Variants in LRRD1 observed in about 807,000 individuals in gnomAD.
LRRD1 encodes leucine rich repeats and death domain containing 1.
LRRD1 carries 49 observed loss-of-function variants against 69.5 expected under a neutral mutation model. The ratio of observed to expected loss-of-function variants is 0.70; its 90% CI spans 0.56 to 0.89. The LOEUF (loss-of-function observed/expected upper bound fraction) is 0.89, where lower values mean the gene tolerates loss of function less well. Among genes scored for constraint, LRRD1 ranks in the 40% least tolerant of loss-of-function variants. The pLI is 0.00. For missense variants in LRRD1, 853 were observed against 956.0 expected, an observed-to-expected ratio of 0.89 and a Z score of 1.42; for synonymous variants, 303 against 338.9, an observed-to-expected ratio of 0.89 and a Z score of 1.16.
intron 1 of LRRD1, among the ~76,000 whole-genome samples, chr7:92,168,130 G>A (rs1371989663): frequency 6.6e-6 from 1 of 152,008 alleles, no homozygotes; most frequent in Non-Finnish European, 1.5e-5. Context: ...CCGCAAAGGT[G>A]AAAAAATTCT....
At chr7:92,169,788 G>C (rs1447094668) in intron 1 of LRRD1, among the ~76,000 whole-genome samples, 1 of 152,054 alleles carries the variant, frequency 6.6e-6, no homozygotes, top group Non-Finnish European at 1.5e-5. Flanking sequence ...CTCAAAGAAG[G>C]CCAGGCACAG....
chr7:92,170,110 G>A (rs1789017269), intron 1 of LRRD1, among the ~76,000 whole-genome samples: 1 of 149,192 alleles, frequency 6.7e-6, no homozygotes. Context: ...GAGAGAGAGA[G>A]AGGAAGGAAG....
At chr7:92,155,227 T>A (rs1195496046) in intron 3 of LRRD1, among the ~76,000 whole-genome samples, 1 of 152,154 alleles carries the variant, frequency 6.6e-6, no homozygotes, top group Non-Finnish European at 1.5e-5. Context: ...AAATAAGGGT[T>A]ACATGAACAC....
chr7:92,150,386 G>A (rs1487928952), intron 4 of LRRD1, 148 bp downstream of exon 4: 1 of 592,598 alleles, frequency 1.7e-6, no homozygotes, highest in Non-Finnish European at 2.7e-6. Flanking sequence ...GATCACTTGA[G>A]CCCAGGAGTC....
intron 5 of LRRD1, 68 bp downstream of exon 5, chr7:92,146,015 T>C: frequency 2.5e-6 from 2 of 801,440 alleles, no homozygotes; most frequent in South Asian, 2.3e-5. Context: ...TTCAAAACCA[T>C]GCAATATCAA....
chr7:92,144,695 A>G (rs1325812202), downstream of LRRD1: 2 of 365,710 alleles, frequency 5.5e-6, no homozygotes, highest in Non-Finnish European at 9.7e-6. Context: ...ACAACAGAAC[A>G]AACACACAAA....
At chr7:92,152,325 GT>G (rs1473550026) in intron 3 of LRRD1, among the ~76,000 whole-genome samples, 1 of 151,646 alleles carries the variant, frequency 6.6e-6, no homozygotes, top group Non-Finnish European at 1.5e-5. Context: ...TGTATCAATA[GT>G]TTTTTTCTTT....
intron 1 of LRRD1, among the ~76,000 whole-genome samples, chr7:92,175,206 T>C (rs751023319): frequency 2.6e-5 from 4 of 152,256 alleles, no homozygotes; most frequent in Non-Finnish European, 5.9e-5. Flanking sequence ...AGGTTTGTAA[T>C]CTTCTATTTC....
intron 4 of LRRD1, among the ~76,000 whole-genome samples, chr7:92,149,581 C>G (rs899887062): frequency 7.9e-5 from 12 of 152,076 alleles, no homozygotes; most frequent in African/African-American, 2.9e-4. Context: ...AGACACACAA[C>G]AGAGAGCTCA....
chr7:92,176,432 A>G (rs924144269), intron 1 of LRRD1, among the ~76,000 whole-genome samples: 1 of 152,134 alleles, frequency 6.6e-6, no homozygotes, highest in Non-Finnish European at 1.5e-5. Context: ...CAATTGTATG[A>G]CTTACTTATT....
rs1157342682 is a variant in LRRD1, at chr7:92,144,974, T to A, written c.2497A>T (p.Ile833Phe). The A allele has an allele frequency of 6.5e-7, 1 of 1,546,314 alleles. No individual in the cohort carries two copies. ...GCTCCTATCATAGTTAGTGCTCGAA[T>A]TAGTTGATCTCTTAAAGCAGCAGCA... Reference protein sequence around the residue: ...LTAAALRDQLIRALTMIGAYE... With the variant: ...LTAAALRDQLFRALTMIGAYE... The change falls in exon 6 of 6, where the codon ATT becomes TTT. Residue 833 changes from isoleucine (I) to phenylalanine (F), a missense_variant. By Grantham distance (21) the Ile-to-Phe change is conservative (BLOSUM62 0). Transcript: ENST00000458448.
chr7:92,161,590 C>CA (rs752126816), intron 2 of LRRD1, among the ~76,000 whole-genome samples: 149 of 152,246 alleles, frequency 9.8e-4, no homozygotes, highest in Non-Finnish European at 6.2e-4. Context: ...TAGACAGTGA[C>CA]ACTGGAAAAT....
intron 1 of LRRD1, chr7:92,178,768 T>C (rs1316378197): frequency 6.6e-6 from 1 of 152,236 alleles, no homozygotes; most frequent in Non-Finnish European, 1.5e-5. Flanking sequence ...TTAATAAAGT[T>C]GAACAATGGC....
chr7:92,167,904 A>T (rs1401927709), intron 1 of LRRD1, among the ~76,000 whole-genome samples: 2 of 134,098 alleles, frequency 1.5e-5, no homozygotes, highest in African/African-American at 6.3e-5. Context: ...AAAAAAAAAA[A>T]AAAATAAGTT....
chr7:92,156,891 T>C (rs1584654980), intron 3 of LRRD1, among the ~76,000 whole-genome samples: 1 of 152,206 alleles, frequency 6.6e-6, no homozygotes, highest in Admixed American at 6.5e-5. Context: ...GAGTGTGATA[T>C]TAGCTATAGG....
Position 92,150,398 on chromosome 7 carries a change from G to A in LRRD1, c.2278+136C>T, listed in dbSNP as rs528672052. 6.8e-5 allele frequency: 46 copies of A among 672,722 alleles called. No homozygotes were observed. The South Asian group carries it at 1.1e-3, about 16-fold the overall frequency. The allele number at this position is 672,722 out of a possible 1,614,324, so 41.7% of individuals were successfully genotyped here. On this transcript the variant is annotated intron_variant, in intron 4 of 5. Coordinates refer to ENST00000458448, the MANE Select transcript of LRRD1 (RefSeq NM_001161528.2). ...GAGGATCACTTGAGCCCAGGAGTCC[G>A]AGGCTGCAGTGAGTCGTGATCATGC... is the stretch of plus-strand genomic sequence containing the variant.
Position 92,163,967 on chromosome 7 carries a change from C to T in LRRD1, c.1236G>A (p.Lys412=), listed in dbSNP as rs193233846. 210 of 1,532,620 alleles carry T rather than the reference C, an allele frequency of 1.4e-4. No individual in the cohort carries two copies. The African/African-American group carries it at 2.6e-3, about 19-fold the overall frequency. The allele number at this position is 1,532,620 out of a possible 1,614,324, so 94.9% of individuals were successfully genotyped here. A position where few individuals can be genotyped will look rare whatever the true frequency, so the allele number is the denominator to read the frequency against. The part of the protein sequence containing the change: ...LSDNKLTELP[K]YIHKLNNLRK... ...TTAAATTGTTAAGCTTATGGATGTA[C>T]TTAGGGAGTTCTGTTAATTTATTAT... The change falls in exon 2 of 6, where the codon AAG becomes AAA. Residue 412 remains lysine (K), a synonymous_variant. Transcript: ENST00000458448.
chr7:92,160,032 C>T (rs906829793), intron 2 of LRRD1, among the ~76,000 whole-genome samples: 1 of 151,912 alleles, frequency 6.6e-6, no homozygotes, highest in East Asian at 1.9e-4. Context: ...GCATTTTGAC[C>T]AAATGTTTAA....
chr7:92,174,490 TA>T, intron 1 of LRRD1, among the ~76,000 whole-genome samples: 2 of 17,998 alleles, frequency 1.1e-4, no homozygotes, highest in South Asian at 1.7e-3. Flanking sequence ...TATATATATA[TA>T]TATATATATA....
Sources: gnomAD v4.1 joint callset for allele counts (sites outside exome capture counted in the v4.1 genomes callset) on GRCh38, gnomAD v4.1.1 for gene constraint, MANE v1.5 for transcripts, NCBI Gene and HGNC (gene_info 2026-07-23, HGNC 2026-07-21) for gene names.